Variants in PCDH9 observed in about 807,000 individuals in gnomAD.
PCDH9 encodes protocadherin-9.
In PCDH9, 24 loss-of-function variants were observed where a neutral mutation model predicts 70.6. That is an observed-to-expected ratio of 0.34 (90% CI 0.25 to 0.48). The LOEUF (loss-of-function observed/expected upper bound fraction) is 0.48, where lower values mean the gene tolerates loss of function less well. PCDH9 is among the 20% of genes least tolerant of loss of function. PCDH9 has a pLI of 0.99. For synonymous variants in PCDH9, 562 were observed against 558.5 expected (o/e 1.01, Z -0.09); for missense variants, 1,281 against 1,503.6 (o/e 0.85, Z 2.45).
chr13:66,865,227 C>G (rs2081552917), intron 3 of PCDH9, among the ~76,000 whole-genome samples: 1 of 152,080 alleles, frequency 6.6e-6, no homozygotes, highest in Non-Finnish European at 1.5e-5. Context: ...ATATTACAGG[C>G]ACATTAAAAT....
At chr13:66,509,760 G>A (rs563830113) in intron 4 of PCDH9, among the ~76,000 whole-genome samples, 290 of 152,146 alleles carry the variant, frequency 1.9e-3, no homozygotes, top group African/African-American at 6.7e-3. Flanking sequence ...GCCTGCAATA[G>A]TCTTAAATAA....
At chr13:66,596,182 ATTTAT>A in intron 4 of PCDH9, among the ~76,000 whole-genome samples, 1 of 151,668 alleles carries the variant, frequency 6.6e-6, no homozygotes, top group Non-Finnish European at 1.5e-5. Flanking sequence ...TTCTGTAGGG[ATTTAT>A]TTTATTTCAT....
intron 4 of PCDH9, among the ~76,000 whole-genome samples, chr13:66,454,480 GGCAGCAGT>G (rs1201472908): frequency 6.6e-6 from 1 of 152,154 alleles, no homozygotes; most frequent in Non-Finnish European, 1.5e-5. Context: ...ATATGCAAAA[GGCAGCAGT>G]GCTGAGGAGA....
At chr13:66,536,482 A>G (rs998250025) in intron 4 of PCDH9, among the ~76,000 whole-genome samples, 5 of 152,124 alleles carry the variant, frequency 3.3e-5, no homozygotes, top group African/African-American at 1.2e-4. Flanking sequence ...CTTCCTGTAT[A>G]TTTTAATATT....
At chr13:67,092,223 G>A (rs551791769) in intron 2 of PCDH9, among the ~76,000 whole-genome samples, 3 of 151,850 alleles carry the variant, frequency 2.0e-5, no homozygotes, top group South Asian at 2.1e-4. Flanking sequence ...TATCTATATC[G>A]AGGATCTATT....
At chr13:66,351,356 T>A (rs1956288751) in intron 4 of PCDH9, among the ~76,000 whole-genome samples, 1 of 152,170 alleles carries the variant, frequency 6.6e-6, no homozygotes, top group Non-Finnish European at 1.5e-5. Context: ...AGTCTCCTAC[T>A]GATGACAATA....
chr13:66,582,466 C>T (rs2138785197), intron 4 of PCDH9, among the ~76,000 whole-genome samples: 1 of 152,138 alleles, frequency 6.6e-6, no homozygotes, highest in Non-Finnish European at 1.5e-5. Flanking sequence ...AACCCTTTCT[C>T]TACTAAAAAT....
chr13:66,635,570 T>C (rs528132985), intron 3 of PCDH9, among the ~76,000 whole-genome samples: 342 of 152,150 alleles, frequency 2.2e-3, no homozygotes, highest in Admixed American at 5.0e-3. Context: ...TACAATACTT[T>C]TTTCTTGCAG....
chr13:67,022,346 C>T (rs905935214), intron 2 of PCDH9, among the ~76,000 whole-genome samples: 4 of 151,808 alleles, frequency 2.6e-5, no homozygotes, highest in African/African-American at 9.7e-5. Flanking sequence ...GTCTCGAACT[C>T]CCGACCTCAG....
chr13:66,873,520 CTCTTTGA>C (rs1160167889), intron 3 of PCDH9, among the ~76,000 whole-genome samples: 3 of 152,150 alleles, frequency 2.0e-5, no homozygotes, highest in Non-Finnish European at 4.4e-5. Flanking sequence ...GTGGTTCTCC[CTCTTTGA>C]AAGATTTGTC....
intron 3 of PCDH9, among the ~76,000 whole-genome samples, chr13:66,824,722 A>G (rs895167418): frequency 6.8e-6 from 1 of 146,802 alleles, no homozygotes; most frequent in Non-Finnish European, 1.5e-5. Flanking sequence ...ATATATACAC[A>G]CACACATATA....
intron 3 of PCDH9, among the ~76,000 whole-genome samples, chr13:66,770,998 G>A (rs968423516): frequency 6.6e-6 from 1 of 152,102 alleles, no homozygotes; most frequent in Non-Finnish European, 1.5e-5. Flanking sequence ...TCACATTTTG[G>A]TACATCTACT....
intron 2 of PCDH9, among the ~76,000 whole-genome samples, chr13:67,028,242 A>G (rs1447644001): frequency 6.7e-6 from 1 of 148,794 alleles, no homozygotes; most frequent in Non-Finnish European, 1.5e-5. Context: ...TGCAGCCATA[A>G]AAATGATGAG....
At chr13:66,516,175 A>G (rs771605208) in intron 4 of PCDH9, among the ~76,000 whole-genome samples, 15 of 152,060 alleles carry the variant, frequency 9.9e-5, no homozygotes, top group Non-Finnish European at 2.2e-4. Flanking sequence ...ACTGTACAAT[A>G]GATAAAACAT....
At chr13:67,097,975 A>G (rs1252841057) in intron 2 of PCDH9, among the ~76,000 whole-genome samples, 1 of 152,226 alleles carries the variant, frequency 6.6e-6, no homozygotes, top group African/African-American at 2.4e-5. Context: ...GCAGAACTAA[A>G]GCAGTTCTTC....
chr13:66,903,617 T>A lies in PCDH9; in HGVS notation c.3037-12A>T. The stretch of plus-strand genomic sequence containing the variant: ...CTGTGTGAGTTACACTGAAAGAGAT[T>A]ACCAAATAATTGTGACAAACTACTC... On this transcript the variant is annotated splice_polypyrimidine_tract_variant and intron_variant, in intron 2 of 4. Coordinates refer to ENST00000377865, the MANE Select transcript of PCDH9 (RefSeq NM_203487.3). 8 of 1,165,518 alleles carry A rather than the reference T, an allele frequency of 6.9e-6. No individual in the cohort carries two copies. The highest frequency in any genetic ancestry group is 1.0e-5 in the Non-Finnish European group (8 of 776,470). The allele number at this position is 1,165,518 out of a possible 1,614,324, so 72.2% of individuals were successfully genotyped here.
intron 3 of PCDH9, among the ~76,000 whole-genome samples, chr13:66,759,595 G>C (rs2079590638): frequency 6.6e-6 from 1 of 151,050 alleles, no homozygotes; most frequent in South Asian, 2.1e-4. Context: ...TCCTCATTTA[G>C]TTTGTTTCTT....
At chr13:66,694,825 A>G (rs1317860241) in intron 3 of PCDH9, among the ~76,000 whole-genome samples, 2 of 151,980 alleles carry the variant, frequency 1.3e-5, no homozygotes, top group African/African-American at 4.8e-5. Flanking sequence ...ATATCCAAGC[A>G]CATTTCAGGT....
chr13:66,396,821 A>G (rs1957109719), intron 4 of PCDH9, among the ~76,000 whole-genome samples: 1 of 152,180 alleles, frequency 6.6e-6, no homozygotes, highest in African/African-American at 2.4e-5. Context: ...AGTTGAGTAC[A>G]GTATTACAGA....
Sources: gnomAD v4.1 joint callset for allele counts (sites outside exome capture counted in the v4.1 genomes callset) on GRCh38, gnomAD v4.1.1 for gene constraint, MANE v1.5 for transcripts, NCBI Gene and HGNC (gene_info 2026-07-23, HGNC 2026-07-21) for gene names.